CCBE1: variants seen among roughly 807,000 people sequenced by gnomAD.
CCBE1 encodes collagen and calcium-binding EGF domain-containing protein 1.
Under a neutral mutation model 50.0 loss-of-function variants are expected in CCBE1, and 37 were observed. The observed-to-expected ratio is 0.74, with a 90% confidence interval of 0.57 to 0.97. The LOEUF is 0.97. CCBE1 is among the 50% of genes least tolerant of loss of function. CCBE1 has a pLI of 0.00. For synonymous variants in CCBE1, 234 were observed against 203.7 expected, an observed-to-expected ratio of 1.15 and a Z score of -1.27; for missense variants, 538 against 523.8, an observed-to-expected ratio of 1.03 and a Z score of -0.26.
intron 5 of CCBE1, among the ~76,000 whole-genome samples, chr18:59,457,802 T>C (rs1040751171): frequency 6.6e-6 from 1 of 152,224 alleles, no homozygotes; most frequent in African/African-American, 2.4e-5. Flanking sequence ...CCCTGTTCAA[T>C]GTACCAATTT....
At chr18:59,594,537 CTTCTG>C (rs2053321815) in intron 2 of CCBE1, among the ~76,000 whole-genome samples, 1 of 152,172 alleles carries the variant, frequency 6.6e-6, no homozygotes, top group African/African-American at 2.4e-5. Flanking sequence ...AAGCAGTAAG[CTTCTG>C]TTATGTATGT....
intron 2 of CCBE1, among the ~76,000 whole-genome samples, chr18:59,561,627 T>C (rs1278906003): frequency 6.6e-6 from 1 of 152,222 alleles, no homozygotes; most frequent in Non-Finnish European, 1.5e-5. Flanking sequence ...CTCTTGGGGC[T>C]TGGCTTGGCT....
chr18:59,436,605 G>T (rs1052130888), intron 10 of CCBE1, among the ~76,000 whole-genome samples: 1 of 152,182 alleles, frequency 6.6e-6, no homozygotes, highest in Non-Finnish European at 1.5e-5. Flanking sequence ...ATAGGGTTTT[G>T]TAGGATTCAT....
chr18:59,438,098 GA>G lies in CCBE1; in HGVS notation c.987+12del, dbSNP rs1248911841. 1.9e-6 allele frequency: 3 copies of G among 1,613,996 alleles called. No individual in the cohort carries two copies. The highest frequency in any genetic ancestry group is 2.2e-5 in the East Asian group (1 of 44,870). ...CGTTCCCCTGGGGAAGCAGGACACA[GA>G]GTGCTACTTACTGGAGACCCTCTGG... On this transcript the variant is annotated intron_variant, in intron 10 of 10. Coordinates refer to ENST00000439986, the MANE Select transcript of CCBE1 (RefSeq NM_133459.4).
intron 2 of CCBE1, among the ~76,000 whole-genome samples, chr18:59,548,205 C>CTA (rs955178610): frequency 1.3e-5 from 2 of 152,164 alleles, no homozygotes; most frequent in Non-Finnish European, 2.9e-5. Context: ...GGGGCCAAGA[C>CTA]TATGCCCCTT....
intron 2 of CCBE1, among the ~76,000 whole-genome samples, chr18:59,538,369 C>T (rs1915334042): frequency 6.6e-6 from 1 of 152,206 alleles, no homozygotes; most frequent in African/African-American, 2.4e-5. Flanking sequence ...AACAGCTGAG[C>T]TCCATTAAAC....
At position 59,434,447 on chromosome 18, in the gene CCBE1, G is replaced by A. The variant is rs1476713892; in HGVS notation, c.*1461C>T. Reference sequence around the variant, plus strand: ...ATAAGCTGCTCATTGGAAACAAGAGGGCCCTCAACAACGTTACAAAGGAGC... The same window carrying A: ...ATAAGCTGCTCATTGGAAACAAGAGAGCCCTCAACAACGTTACAAAGGAGC... On this transcript the variant is annotated 3_prime_UTR_variant, in exon 11 of 11. Transcript: ENST00000439986. 1 of 152,112 alleles carries A rather than the reference G, an allele frequency of 6.6e-6. No homozygotes were observed. Among genetic ancestry groups the A allele is most frequent in the Non-Finnish European group, 1.5e-5 (1 of 68,034 alleles). The allele number at this position is 152,112 out of a possible 1,614,324, so 9.4% of individuals were successfully genotyped here.
chr18:59,566,080 T>C (rs796505304), intron 2 of CCBE1, among the ~76,000 whole-genome samples: 19 of 152,300 alleles, frequency 1.2e-4, no homozygotes, highest in African/African-American at 4.3e-4. Context: ...ATCTGGTAAC[T>C]GAGAGTGAAA....
chr18:59,541,105 G>A (rs1423217475), intron 2 of CCBE1, among the ~76,000 whole-genome samples: 1 of 152,178 alleles, frequency 6.6e-6, no homozygotes, highest in Non-Finnish European at 1.5e-5. Flanking sequence ...TCATTAATCG[G>A]TTAGAGTAGC....
chr18:59,474,494 G>A (rs1441644140), intron 3 of CCBE1, among the ~76,000 whole-genome samples: 3 of 152,212 alleles, frequency 2.0e-5, no homozygotes, highest in Non-Finnish European at 2.9e-5. Context: ...CCTTGCCTGA[G>A]AGTGAAGTCA....
At chr18:59,439,160 G>T (rs1314231833) in intron 9 of CCBE1, among the ~76,000 whole-genome samples, 1 of 152,124 alleles carries the variant, frequency 6.6e-6, no homozygotes, top group African/African-American at 2.4e-5. Context: ...GGTGGCGGTC[G>T]CCTGTAGTCC....
chr18:59,466,663 T>A, intron 5 of CCBE1, 76 bp downstream of exon 5: 1 of 921,498 alleles, frequency 1.1e-6, no homozygotes, highest in Non-Finnish European at 1.6e-6. Context: ...ATATAATATA[T>A]AAACCCCCAA....
chr18:59,466,716 A>G, intron 5 of CCBE1, 23 bp downstream of exon 5: 1 of 1,590,832 alleles, frequency 6.3e-7, no homozygotes, highest in Non-Finnish European at 8.6e-7. Context: ...AATTAGGGAG[A>G]TATTTAGACT....
intron 2 of CCBE1, among the ~76,000 whole-genome samples, chr18:59,606,796 C>A (rs375330356): frequency 1.3e-5 from 2 of 152,304 alleles, no homozygotes; most frequent in African/African-American, 2.4e-5. Context: ...ATTTGCAACA[C>A]GAATGCTATT....
intron 2 of CCBE1, among the ~76,000 whole-genome samples, chr18:59,577,745 A>C (rs1334497356): frequency 6.6e-6 from 1 of 152,218 alleles, no homozygotes; most frequent in Non-Finnish European, 1.5e-5. Flanking sequence ...AAAATAAATC[A>C]ATAACATGGA....
At chr18:59,680,933 T>C (rs2054581443) in intron 2 of CCBE1, among the ~76,000 whole-genome samples, 2 of 152,050 alleles carry the variant, frequency 1.3e-5, no homozygotes, top group Non-Finnish European at 1.5e-5. Flanking sequence ...AGTGATACCT[T>C]TTTATTAAGC....
chr18:59,681,063 A>T (rs912714617), intron 2 of CCBE1, among the ~76,000 whole-genome samples: 2 of 152,150 alleles, frequency 1.3e-5, no homozygotes, highest in Non-Finnish European at 1.5e-5. Flanking sequence ...AAAAAAAAAA[A>T]AAAGGAAAGC....
At chr18:59,575,056 C>T (rs902672537) in intron 2 of CCBE1, among the ~76,000 whole-genome samples, 12 of 152,066 alleles carry the variant, frequency 7.9e-5, no homozygotes, top group Admixed American at 5.2e-4. Context: ...AGGATCGGGG[C>T]GATTCTCCTG....
intron 2 of CCBE1, among the ~76,000 whole-genome samples, chr18:59,658,793 T>A (rs1211461997): frequency 7.5e-6 from 1 of 133,296 alleles, no homozygotes; most frequent in African/African-American, 2.9e-5. Context: ...GGCAGGAAAA[T>A]CCCTTGAACC....
Sources: gnomAD v4.1 joint callset for allele counts (sites outside exome capture counted in the v4.1 genomes callset) on GRCh38, gnomAD v4.1.1 for gene constraint, MANE v1.5 for transcripts, NCBI Gene and HGNC (gene_info 2026-07-23, HGNC 2026-07-21) for gene names.